RNF130: variants seen among roughly 807,000 people sequenced by gnomAD.
RNF130 encodes the protein ring finger protein 130.
RNF130 carries 21 observed loss-of-function variants against 44.6 expected under a neutral mutation model. The observed-to-expected ratio is 0.47, with a 90% CI of 0.33 to 0.68. The LOEUF (loss-of-function observed/expected upper bound fraction) is 0.68. Ranked by LOEUF, RNF130 falls within the 30% of genes least tolerant of loss-of-function variation. RNF130 has a pLI of 0.02. For synonymous variants in RNF130, 214 were observed against 210.4 expected (o/e 1.02, Z -0.15); for missense variants, 479 against 560.6 (o/e 0.85, Z 1.47).
intron 3 of RNF130, among the ~76,000 whole-genome samples, chr5:180,009,175 C>A (rs899283148): frequency 6.6e-6 from 1 of 152,034 alleles, no homozygotes; most frequent in African/African-American, 2.4e-5. Context: ...AGTAGAAAAT[C>A]TTTGGGATAT....
intron 3 of RNF130, among the ~76,000 whole-genome samples, chr5:179,986,535 C>T (rs1438009156): frequency 2.0e-5 from 3 of 152,178 alleles, no homozygotes; most frequent in African/African-American, 7.2e-5. Context: ...GGACGAACTA[C>T]TCATAAGCGT....
At chr5:180,010,358 AT>A (rs1006704916) in intron 3 of RNF130, among the ~76,000 whole-genome samples, 4 of 150,984 alleles carry the variant, frequency 2.6e-5, no homozygotes, top group African/African-American at 9.7e-5. Context: ...CCTATATAAC[AT>A]TTTTTTCTTT....
intron 7 of RNF130, among the ~76,000 whole-genome samples, chr5:179,944,125 C>T (rs1354855291): frequency 2.6e-5 from 4 of 151,580 alleles, no homozygotes; most frequent in Admixed American, 2.6e-4. Flanking sequence ...GTGCCTGCCA[C>T]CATGCCTAGC....
intron 3 of RNF130, among the ~76,000 whole-genome samples, chr5:179,983,875 G>GA (rs754585772): frequency 2.6e-4 from 39 of 152,112 alleles, no homozygotes; most frequent in Admixed American, 1.4e-3. Context: ...TTATTGTTAA[G>GA]AATTTCCTAT....
intron 7 of RNF130, among the ~76,000 whole-genome samples, chr5:179,948,610 G>A (rs1308506993): frequency 2.6e-5 from 4 of 152,094 alleles, no homozygotes; most frequent in Non-Finnish European, 4.4e-5. Context: ...GGTGGAGGTC[G>A]CAGTGAGCCG....
At chr5:180,039,341 AC>A (rs2113137613) in intron 2 of RNF130, among the ~76,000 whole-genome samples, 1 of 151,946 alleles carries the variant, frequency 6.6e-6, no homozygotes, top group African/African-American at 2.4e-5. Context: ...CTGGGCTCAA[AC>A]AATTTTCCTG....
chr5:179,999,046 G>A (rs1007092539), intron 3 of RNF130, among the ~76,000 whole-genome samples: 1 of 149,724 alleles, frequency 6.7e-6, no homozygotes, highest in Non-Finnish European at 1.5e-5. Context: ...TTTTTGAGAT[G>A]GAATATCGCT....
intron 3 of RNF130, among the ~76,000 whole-genome samples, chr5:180,000,746 T>G (rs184323755): frequency 5.4e-4 from 82 of 152,370 alleles, no homozygotes; most frequent in Non-Finnish European, 4.1e-4. Flanking sequence ...CTTACTTCTC[T>G]TTTATTCAAT....
chr5:179,980,300 C>A, intron 3 of RNF130, 100 bp from the exon 4 acceptor site: 1 of 985,776 alleles, frequency 1.0e-6, no homozygotes, highest in Non-Finnish European at 1.6e-6. Context: ...TATTTTACTA[C>A]ATCCCTCTCC....
chr5:180,014,537 ATCAAGCAG>A (rs1763670373), intron 2 of RNF130, among the ~76,000 whole-genome samples: 1 of 152,192 alleles, frequency 6.6e-6, no homozygotes, highest in Non-Finnish European at 1.5e-5. Context: ...CAACAAAACA[ATCAAGCAG>A]AAGTCCCCAA....
intron 2 of RNF130, among the ~76,000 whole-genome samples, chr5:180,038,162 C>T (rs1764294117): frequency 6.6e-6 from 1 of 152,056 alleles, no homozygotes; most frequent in Non-Finnish European, 1.5e-5. Flanking sequence ...TCAGGAAATC[C>T]TCTCACCCAA....
chr5:179,985,822 T>G (rs935936148), intron 3 of RNF130, among the ~76,000 whole-genome samples: 1 of 152,202 alleles, frequency 6.6e-6, no homozygotes, highest in Non-Finnish European at 1.5e-5. Context: ...AAATGTCCTT[T>G]GTGGCACTTT....
At chr5:180,005,748 C>T (rs1249242712) in intron 3 of RNF130, among the ~76,000 whole-genome samples, 1 of 152,182 alleles carries the variant, frequency 6.6e-6, no homozygotes, top group African/African-American at 2.4e-5. Flanking sequence ...AGTAATATCA[C>T]TCTGCCCCCA....
chr5:179,998,886 T>TATATATATATATATATATATATATATATA (rs1389273465), intron 3 of RNF130, among the ~76,000 whole-genome samples: 7 of 105,894 alleles, frequency 6.6e-5, no homozygotes, highest in Admixed American at 4.7e-4. Context: ...TATATATATG[T>TATATATATATATATATATATATATATATA]TTTATATATC....
Position 179,963,630 on chromosome 5 carries a change from T to C in RNF130, c.1151-66A>G, listed in dbSNP as rs932318876. 4 of 1,130,242 alleles carry C rather than the reference T, an allele frequency of 3.5e-6. No homozygotes were observed. In the African/African-American group the frequency reaches 4.6e-5, roughly 13 times the overall value. The allele number at this position is 1,130,242 out of a possible 1,614,324, so 70.0% of individuals were successfully genotyped here. A position where few individuals can be genotyped will look rare whatever the true frequency, so the allele number is the denominator to read the frequency against. ...GGTTTAAGTCAAATCGATGCCAACA[T>C]TTCCCTCAAATGCAACGAAGCAGAC... On this transcript the variant is annotated intron_variant, in intron 7 of 8. Coordinates refer to ENST00000521389, the MANE Select transcript of RNF130 (RefSeq NM_018434.6).
intron 3 of RNF130, among the ~76,000 whole-genome samples, chr5:179,984,810 T>A (rs1253197039): frequency 1.3e-5 from 2 of 152,142 alleles, no homozygotes; most frequent in Non-Finnish European, 2.9e-5. Flanking sequence ...GAAATTAAAA[T>A]CTGAAATGCT....
chr5:179,925,455 G>C (rs565026324), intron 7 of RNF130, among the ~76,000 whole-genome samples: 113 of 152,306 alleles, frequency 7.4e-4, no homozygotes, highest in African/African-American at 2.6e-3. Flanking sequence ...ACCAAAAAGA[G>C]AAATAACAGG....
At chr5:180,040,145 C>T (rs1045955855) in intron 2 of RNF130, among the ~76,000 whole-genome samples, 1 of 152,114 alleles carries the variant, frequency 6.6e-6, no homozygotes, top group Non-Finnish European at 1.5e-5. Context: ...ATAACCTGGG[C>T]GAATGATTCC....
At chr5:180,015,856 C>A (rs1380003553) in intron 2 of RNF130, among the ~76,000 whole-genome samples, 1 of 152,164 alleles carries the variant, frequency 6.6e-6, no homozygotes, top group Non-Finnish European at 1.5e-5. Context: ...CAACTAATTT[C>A]AACGGGAAAG....
Sources: gnomAD v4.1 joint callset for allele counts (sites outside exome capture counted in the v4.1 genomes callset) on GRCh38, gnomAD v4.1.1 for gene constraint, MANE v1.5 for transcripts, NCBI Gene and HGNC (gene_info 2026-07-23, HGNC 2026-07-21) for gene names.